EYS: variants seen among roughly 807,000 people sequenced by gnomAD.
EYS encodes the protein EGF-like photoreceptor maintenance factor.
In EYS, 250 loss-of-function variants were observed where a neutral mutation model predicts 282.1. That is an observed-to-expected ratio of 0.89 (90% CI 0.80 to 0.98). EYS has a LOEUF of 0.98. Among genes scored for constraint, EYS ranks in the 50% least tolerant of loss-of-function variants. The pLI, the probability that EYS is intolerant of heterozygous loss-of-function variation, is 0.00. For synonymous variants in EYS, 1,355 were observed against 1,282.9 expected, an observed-to-expected ratio of 1.06 and a Z score of -1.20; for missense variants, 4,016 against 3,709.0, an observed-to-expected ratio of 1.08 and a Z score of -2.15.
At chr6:64,208,671 T>C (rs1376352090) in intron 31 of EYS, among the ~76,000 whole-genome samples, 1 of 152,186 alleles carries the variant, frequency 6.6e-6, no homozygotes, top group Non-Finnish European at 1.5e-5. Context: ...GATAGTATTT[T>C]GGGTTACAAG....
intron 23 of EYS, among the ~76,000 whole-genome samples, chr6:64,623,923 A>T (rs1767522080): frequency 6.6e-6 from 1 of 152,194 alleles, no homozygotes; most frequent in South Asian, 2.1e-4. Context: ...GAGCAAGATT[A>T]TTCCTTAAAT....
At chr6:64,465,734 A>G (rs1366456262) in intron 26 of EYS, among the ~76,000 whole-genome samples, 1 of 149,152 alleles carries the variant, frequency 6.7e-6, no homozygotes, top group Non-Finnish European at 1.5e-5. Context: ...CAAAAAAGTA[A>G]AAAAAAAAAA....
At chr6:64,266,796 C>T (rs1324453251) in intron 30 of EYS, among the ~76,000 whole-genome samples, 1 of 152,106 alleles carries the variant, frequency 6.6e-6, no homozygotes, top group Admixed American at 6.6e-5. Context: ...AGTTCTTAAC[C>T]AGGCACTGGG....
chr6:64,067,955 G>A (rs549305356), intron 32 of EYS, among the ~76,000 whole-genome samples: 1 of 152,126 alleles, frequency 6.6e-6, no homozygotes, highest in East Asian at 1.9e-4. Flanking sequence ...GCTGCTATGA[G>A]CATTTTATAT....
intron 31 of EYS, among the ~76,000 whole-genome samples, chr6:64,108,412 G>T (rs1773100891): frequency 6.7e-6 from 1 of 148,430 alleles, no homozygotes; most frequent in Non-Finnish European, 1.5e-5. Flanking sequence ...TAAAGTTTTT[G>T]TTTTTTTAGA....
At chr6:65,560,332 AAT>A (rs1456753358) in intron 2 of EYS, among the ~76,000 whole-genome samples, 2 of 118,428 alleles carry the variant, frequency 1.7e-5, no homozygotes, top group African/African-American at 3.7e-5. Context: ...TATAACATAT[AAT>A]ATGTTATATA....
At chr6:64,042,914 A>G (rs1770454771) in intron 33 of EYS, among the ~76,000 whole-genome samples, 1 of 152,108 alleles carries the variant, frequency 6.6e-6, no homozygotes, top group African/African-American at 2.4e-5. Flanking sequence ...TGCTTCCATA[A>G]TAACATAGAG....
At chr6:65,399,107 T>C (rs1766397164) in intron 7 of EYS, among the ~76,000 whole-genome samples, 1 of 152,080 alleles carries the variant, frequency 6.6e-6, no homozygotes, top group Non-Finnish European at 1.5e-5. Context: ...TTCTAGCTGG[T>C]CTCCCTTCCC....
chr6:65,095,012 C>T (rs1292524939), intron 12 of EYS, among the ~76,000 whole-genome samples: 1 of 151,190 alleles, frequency 6.6e-6, no homozygotes, highest in East Asian at 1.9e-4. Flanking sequence ...GATATTACAA[C>T]TGATGCTACA....
At position 64,387,547 on chromosome 6, in the gene EYS, C is replaced by T. The variant is rs371285119; in HGVS notation, c.6078+1143G>A. ...TGTTTCATCCATTCTTTAACTGAGGCCTTTATTTAAAAGCTGTTCATTGAA... is the reference window on the plus strand; with the variant it reads ...TGTTTCATCCATTCTTTAACTGAGGTCTTTATTTAAAAGCTGTTCATTGAA... On this transcript the variant is annotated intron_variant, in intron 29 of 42. Transcript: ENST00000503581. Among the ~76,000 whole-genome samples the T allele has an allele frequency of 3.9e-5, 6 of 152,056 alleles. No homozygotes were observed. The East Asian group carries it at 7.7e-4, about 20-fold the overall frequency.
chr6:65,183,665 A>G (rs1049074455), intron 12 of EYS, among the ~76,000 whole-genome samples: 3 of 151,928 alleles, frequency 2.0e-5, no homozygotes, highest in African/African-American at 7.2e-5. Context: ...AAACTATTAT[A>G]AGTGTACTGA....
At chr6:64,817,510 C>CA (rs1453344171) in intron 21 of EYS, among the ~76,000 whole-genome samples, 3 of 152,124 alleles carry the variant, frequency 2.0e-5, no homozygotes, top group Non-Finnish European at 4.4e-5. Flanking sequence ...TTTTTACATG[C>CA]AGGGGATACA....
chr6:64,920,022 G>A (rs565410230), intron 15 of EYS, among the ~76,000 whole-genome samples: 27 of 151,938 alleles, frequency 1.8e-4, no homozygotes, highest in Admixed American at 1.7e-3. Flanking sequence ...GACTAGAACA[G>A]CAAAGCCAAA....
At chr6:65,580,861 G>C (rs891694954) in intron 2 of EYS, among the ~76,000 whole-genome samples, 1 of 151,832 alleles carries the variant, frequency 6.6e-6, no homozygotes, top group African/African-American at 2.4e-5. Context: ...GGATATTAAA[G>C]GCCATTTTTT....
chr6:65,516,622 T>A (rs960395451), intron 2 of EYS, among the ~76,000 whole-genome samples: 9 of 152,108 alleles, frequency 5.9e-5, no homozygotes, highest in African/African-American at 1.7e-4. Context: ...AAGGGCTTAA[T>A]CTGCATCAGG....
At chr6:63,748,510 T>C (rs1769265081) in intron 41 of EYS, among the ~76,000 whole-genome samples, 1 of 152,210 alleles carries the variant, frequency 6.6e-6, no homozygotes, top group African/African-American at 2.4e-5. Flanking sequence ...TAGAATGAGT[T>C]AAGGAGGAGT....
intron 13 of EYS, among the ~76,000 whole-genome samples, chr6:65,034,714 CTAGT>C (rs1237032667): frequency 1.3e-5 from 2 of 152,104 alleles, no homozygotes; most frequent in African/African-American, 4.8e-5. Flanking sequence ...TAATTGTGAG[CTAGT>C]TAAACTTTTC....
intron 30 of EYS, among the ~76,000 whole-genome samples, chr6:64,284,919 AT>A (rs1232261474): frequency 1.3e-5 from 2 of 151,656 alleles, no homozygotes; most frequent in Non-Finnish European, 2.9e-5. Context: ...CCACAAAACC[AT>A]TTTTTCCTAT....
chr6:65,159,786 T>G (rs563292872), intron 12 of EYS, among the ~76,000 whole-genome samples: 57 of 150,978 alleles, frequency 3.8e-4, no homozygotes, highest in African/African-American at 1.4e-3. Context: ...TTTCCTTACT[T>G]TGTAGCTTTG....
Sources: allele counts gnomAD v4.1 joint callset (sites outside exome capture counted in the v4.1 genomes callset), GRCh38; gene constraint gnomAD v4.1.1; transcripts MANE v1.5; gene names NCBI Gene and HGNC (gene_info 2026-07-23, HGNC 2026-07-21).